The following TFR2 variants were observed in gnomAD, a reference collection of about 807,000 sequenced individuals.
TFR2 encodes the protein transferrin receptor protein 2.
TFR2 carries 64 observed loss-of-function variants against 91.9 expected under a neutral mutation model. That is an observed-to-expected ratio of 0.70 (90% CI 0.57 to 0.86). The LOEUF is 0.86. Among genes scored for constraint, TFR2 ranks in the 40% least tolerant of loss-of-function variants. The probability of loss-of-function intolerance (pLI) is 0.00; values close to 1 mark genes in which losing one functional copy is unlikely to be tolerated. For synonymous variants in TFR2, 454 were observed against 459.6 expected, an observed-to-expected ratio of 0.99 and a Z score of 0.15; for missense variants, 950 against 1,080.5, an observed-to-expected ratio of 0.88 and a Z score of 1.69.
intron 9 of TFR2, 56 bp from the exon 10 acceptor site, chr7:100,629,428 C>T: frequency 1.2e-6 from 2 of 1,608,988 alleles, no homozygotes; most frequent in East Asian, 2.2e-5. Flanking sequence ...ACCCTGGGGG[C>T]ATCCTCCATC....
In TFR2 at chr7:100,632,969, C is replaced by T. The variant is rs371115183; in HGVS notation, c.849+32G>A. On this transcript the variant is annotated intron_variant, in intron 6 of 17. Transcript: ENST00000223051. The stretch of plus-strand genomic sequence containing the variant: ...GCAGTCCGACCCTCCGGTTCCCGGG[C>T]TCAAGCCCTCCCTCTGTCCAGGGAC... The T allele has an allele frequency of 6.6e-5, 107 of 1,613,638 alleles. No individual in the cohort carries two copies. In the African/African-American group the frequency reaches 1.2e-3, roughly 18 times the overall value.
rs776079339 is a variant in TFR2, at chr7:100,633,062, C to G, written c.788G>C (p.Gly263Ala). The change falls in exon 6 of 18, where the codon GGC becomes GCC. Residue 263 changes from glycine (G) to alanine (A), a missense_variant. Coordinates refer to ENST00000223051, the MANE Select transcript of TFR2 (RefSeq NM_003227.4). The stretch of plus-strand genomic sequence containing the variant: ...CAGCAGGCGGCCCACTGGATCCACG[C>G]CCCTGGCCCGCAGGTCCTGCAGGTC... ...PEDLQDLRARGVDPVGRLLLV... is the reference protein window; with the variant it reads ...PEDLQDLRARAVDPVGRLLLV... 11 of 1,613,698 alleles carry G rather than the reference C, an allele frequency of 6.8e-6. No individual in the cohort carries two copies. The South Asian group carries it at 1.1e-4, about 16-fold the overall frequency.
chr7:100,627,921 T>A lies in TFR2; in HGVS notation c.1591A>T (p.Ser531Cys), dbSNP rs771908334. The part of the protein sequence containing the change: ...TSPLLTSLIE[S>C]VLKQVDSPNH... ...GGTGCTCTTGCCTGCTTCAGGACAC[T>A]CTCAATGAGACTTGTCAGAAGGGGG... Residue 531 changes from serine to cysteine, a missense_variant, in exon 13 of 18, where the codon AGT becomes TGT. By Grantham distance (112) the Ser-to-Cys change is moderately radical (BLOSUM62 -1). Coordinates refer to ENST00000223051, the MANE Select transcript of TFR2 (RefSeq NM_003227.4). 2.5e-6 allele frequency: 4 copies of A among 1,613,908 alleles called. No individual in the cohort carries two copies. The East Asian group carries it at 8.9e-5, about 36-fold the overall frequency.
rs767086840 is a variant in TFR2, at chr7:100,631,002, C to A, written c.1157G>T (p.Gly386Val). 2 of 1,559,664 alleles carry A rather than the reference C, an allele frequency of 1.3e-6. No homozygotes were observed. The highest frequency in any genetic ancestry group is 4.6e-5 in the East Asian group (2 of 43,428). The stretch of plus-strand genomic sequence containing the variant: ...CCCGGGGCCCAGGTGATAAGGGGAG[C>A]CTAGGAGGCTCCCCTGCCATTCTTG... ...APQEWQGSLL[G>V]SPYHLGPGPR... The change falls in exon 9 of 18, where the codon GGC becomes GTC. Residue 386 changes from glycine to valine, a missense_variant. Transcript: ENST00000223051.
intron 3 of TFR2, among the ~76,000 whole-genome samples, chr7:100,639,075 G>A (rs1803636828): frequency 6.6e-6 from 1 of 151,970 alleles, no homozygotes; most frequent in Non-Finnish European, 1.5e-5. Flanking sequence ...AAACATTAAA[G>A]AAGAGGCTGG....
chr7:100,626,660 G>A, intron 17 of TFR2, 103 bp downstream of exon 17: 3 of 1,507,398 alleles, frequency 2.0e-6, no homozygotes, highest in Non-Finnish European at 2.7e-6. Flanking sequence ...GGACTGTGTA[G>A]GCGGGGAGAG....
chr7:100,631,750 G>A (rs1803440644), intron 8 of TFR2, 56 bp downstream of exon 8: 3 of 1,581,320 alleles, frequency 1.9e-6, no homozygotes, highest in South Asian at 1.2e-5. Context: ...CTGTGGCCTC[G>A]CTGCAGCCTT....
At chr7:100,621,500 C>T (rs1209892695) in intron 17 of TFR2, among the ~76,000 whole-genome samples, 4 of 152,142 alleles carry the variant, frequency 2.6e-5, no homozygotes, top group Non-Finnish European at 5.9e-5. Context: ...GTGATCCGCC[C>T]GCCTTGGCCT....
At chr7:100,631,674 G>T in intron 8 of TFR2, 132 bp downstream of exon 8, 3 of 1,263,566 alleles carry the variant, frequency 2.4e-6, no homozygotes, top group East Asian at 2.4e-5. Context: ...GGAGTGCAGT[G>T]GTGTAGTCAT....
At chr7:100,621,705 T>G (rs1803116775) in intron 17 of TFR2, among the ~76,000 whole-genome samples, 1 of 152,118 alleles carries the variant, frequency 6.6e-6, no homozygotes, top group Admixed American at 6.6e-5. Flanking sequence ...CGAGTCATTC[T>G]CCACCCCCAC....
chr7:100,631,264 A>G (rs1200921089), intron 8 of TFR2, among the ~76,000 whole-genome samples: 1 of 150,366 alleles, frequency 6.7e-6, no homozygotes, highest in African/African-American at 2.4e-5. Flanking sequence ...GTTGCCAGAC[A>G]GTAGACCCTG....
rs1242155133 is a variant in TFR2, at chr7:100,632,670, C to T, written c.849+331G>A. 1.1e-5 allele frequency: 4 copies of T among 360,072 alleles called. No homozygotes were observed. In the East Asian group the frequency reaches 2.7e-4, roughly 24 times the overall value. 22.3% of individuals were successfully genotyped at this position (360,072 alleles called of 1,614,324 possible). On this transcript the variant is annotated intron_variant, in intron 6 of 17. Transcript: ENST00000223051. ...GCTCAAGCGATCCTCCCACCGGAGC[C>T]TCCGGAGTAGCTGGGACCACATGCA...
At chr7:100,638,220 G>C (rs1368686577) in intron 3 of TFR2, among the ~76,000 whole-genome samples, 1 of 151,916 alleles carries the variant, frequency 6.6e-6, no homozygotes, top group African/African-American at 2.4e-5. Context: ...AGCCAGGATA[G>C]TCTCGATCTC....
At chr7:100,634,217 C>CACACACAT (rs1803530537) in intron 3 of TFR2, among the ~76,000 whole-genome samples, 1 of 144,608 alleles carries the variant, frequency 6.9e-6, no homozygotes, top group Non-Finnish European at 1.5e-5. Context: ...CACACACACA[C>CACACACAT]ACAGCACCCA....
rs911107571 is a variant in TFR2, at chr7:100,620,583, A to T, written c.*274T>A. ...CCAGAGTGGTCTCTAGGTATGGAGG[A>T]CCCCAGAAAGGGGAAGGGGCTGTGA... On this transcript the variant is annotated 3_prime_UTR_variant, in exon 18 of 18. Transcript: ENST00000223051. 4 of 423,182 alleles carry T rather than the reference A, an allele frequency of 9.5e-6. No homozygotes were observed. The highest frequency in any genetic ancestry group is 1.7e-5 in the Non-Finnish European group (4 of 229,784). 26.2% of individuals were successfully genotyped at this position (423,182 alleles called of 1,614,324 possible). A position where few individuals can be genotyped will look rare whatever the true frequency, so the allele number is the denominator to read the frequency against.
chr7:100,630,996 G>A lies in TFR2; in HGVS notation c.1163C>T (p.Pro388Leu). 3 of 1,584,456 alleles carry A rather than the reference G, an allele frequency of 1.9e-6. No homozygotes were observed. Among genetic ancestry groups the A allele is most frequent in the Non-Finnish European group, 2.6e-6 (3 of 1,166,584 alleles). ...QEWQGSLLGS[P>L]YHLGPGPRLR... Reference sequence around the variant, plus strand: ...TCGTGGCCCGGGGCCCAGGTGATAAGGGGAGCCTAGGAGGCTCCCCTGCCA... The same window carrying A: ...TCGTGGCCCGGGGCCCAGGTGATAAAGGGAGCCTAGGAGGCTCCCCTGCCA... Residue 388 changes from proline (P) to leucine (L), a missense_variant, in exon 9 of 18, where the codon CCT becomes CTT. By Grantham distance (98) the Pro-to-Leu change is moderately conservative. Coordinates refer to ENST00000223051, the MANE Select transcript of TFR2 (RefSeq NM_003227.4).
At chr7:100,636,494 A>G (rs2131323919) in intron 3 of TFR2, among the ~76,000 whole-genome samples, 1 of 151,626 alleles carries the variant, frequency 6.6e-6, no homozygotes, top group East Asian at 1.9e-4. Flanking sequence ...GCATCTTGTC[A>G]TTACCCGCAC....
At chr7:100,632,232 G>GA (rs761950558) in intron 6 of TFR2, 34 bp from the exon 7 acceptor site, 229 of 1,590,212 alleles carry the variant, frequency 1.4e-4, no homozygotes, top group Middle Eastern at 1.2e-3. Context: ...ACTCCTCCCA[G>GA]AAAAAAACCC....
chr7:100,637,683 C>T (rs1322341864), intron 3 of TFR2, among the ~76,000 whole-genome samples: 1 of 151,950 alleles, frequency 6.6e-6, no homozygotes, highest in Admixed American at 6.6e-5. Flanking sequence ...CGTGGTGGCC[C>T]CTCCCTGTAG....
Sources: allele counts gnomAD v4.1 joint callset (sites outside exome capture counted in the v4.1 genomes callset), GRCh38; gene constraint gnomAD v4.1.1; transcripts MANE v1.5; gene names NCBI Gene and HGNC (gene_info 2026-07-23, HGNC 2026-07-21).